EPS8: variants seen among roughly 807,000 people sequenced by gnomAD.
The protein encoded by EPS8 is EGFR pathway substrate 8, signaling adaptor.
EPS8 carries 42 observed loss-of-function variants against 103.8 expected under a neutral mutation model. The ratio of observed to expected loss-of-function variants is 0.40; its 90% CI spans 0.32 to 0.52. The LOEUF is 0.52. Among genes scored for constraint, EPS8 ranks in the 20% least tolerant of loss-of-function variants. The pLI, the probability that EPS8 is intolerant of heterozygous loss-of-function variation, is 0.40. For missense variants in EPS8, 969 were observed against 1,005.1 expected (o/e 0.96, Z 0.49); for synonymous variants, 344 against 344.6 (o/e 1.00, Z 0.02).
intron 1 of EPS8, 81 bp from the exon 2 acceptor site, chr12:15,683,053 T>C (rs1946037144): frequency 9.1e-6 from 6 of 660,328 alleles, no homozygotes; most frequent in Non-Finnish European, 1.5e-5. Flanking sequence ...ATTCAACAAA[T>C]ATGTGTTGCT....
chr12:15,718,200 G>A (rs975100091), intron 1 of EPS8, among the ~76,000 whole-genome samples: 2 of 152,088 alleles, frequency 1.3e-5, no homozygotes, highest in African/African-American at 4.8e-5. Flanking sequence ...AGACCAATTT[G>A]TACAGTCTCA....
At position 15,682,874 on chromosome 12, in the gene EPS8, T is replaced by C; in HGVS notation, c.59+19A>G. Reference sequence around the variant, plus strand: ...TCAAATTCCCCCAAAACATATTAAATATAAACTTTTCAACTTACTTCATCT... The same window carrying C: ...TCAAATTCCCCCAAAACATATTAAACATAAACTTTTCAACTTACTTCATCT... On this transcript the variant is annotated intron_variant, in intron 2 of 20. Coordinates refer to ENST00000281172, the MANE Select transcript of EPS8 (RefSeq NM_004447.6). The C allele has an allele frequency of 7.8e-7, 1 of 1,285,074 alleles. No individual in the cohort carries two copies. The highest frequency in any genetic ancestry group is 1.1e-6 in the Non-Finnish European group (1 of 897,046). The allele number at this position is 1,285,074 out of a possible 1,614,324, so 79.6% of individuals were successfully genotyped here.
chr12:15,669,808 G>T lies in EPS8; in HGVS notation c.222C>A (p.Val74=). 6.2e-7 allele frequency: 1 copy of T among 1,601,746 alleles called. No individual in the cohort carries two copies. Among genetic ancestry groups the T allele is most frequent in the Non-Finnish European group, 8.5e-7 (1 of 1,176,008 alleles). Residue 74 remains valine (V), a synonymous_variant, in exon 5 of 21, where the codon GTC becomes GTA. Transcript: ENST00000281172. ...TGATCATAGCATCTTTCCGATCCAG[G>T]ACAAAGGTAGTCAAGTGCTTACAAT... The part of the protein sequence containing the change: ...QYRVEHLTTF[V]LDRKDAMITV...
rs1411423041 is a variant in EPS8 at position 15,714,795 on chromosome 12, G to A, written c.-21-31823C>T. ...GTTTCTATAACTTTAAAAGTGAAAA[G>A]CATCACTATAAATAGAATTTTTAAA... On this transcript the variant is annotated intron_variant, in intron 1 of 20. Coordinates refer to ENST00000281172, the MANE Select transcript of EPS8 (RefSeq NM_004447.6). This position sits in a 1 kb window ranked among gnomAD's most constrained non-coding sequence, Gnocchi z 4.1. 6.6e-6 allele frequency among the ~76,000 whole-genome samples: 1 copy of A among 152,152 alleles called. No individual in the cohort carries two copies. Among genetic ancestry groups the A allele is most frequent in the African/African-American group, 2.4e-5 (1 of 41,438 alleles).
At chr12:15,625,298 T>G (rs1335006636) in intron 18 of EPS8, among the ~76,000 whole-genome samples, 4 of 152,192 alleles carry the variant, frequency 2.6e-5, no homozygotes, top group African/African-American at 9.7e-5. Flanking sequence ...ATTCAAATAC[T>G]GAGTCATTTC....
At chr12:15,641,966 C>T (rs1055391331) in intron 15 of EPS8, 136 bp from the exon 16 acceptor site, 3 of 423,268 alleles carry the variant, frequency 7.1e-6, no homozygotes, top group African/African-American at 6.2e-5. Context: ...TTATATTTTA[C>T]ATTATGATAA....
Position 15,786,654 on chromosome 12 carries a change from G to C in EPS8, c.-22+2507C>G, listed in dbSNP as rs571716530. Among the ~76,000 whole-genome samples, 13 of 152,196 alleles carry C rather than the reference G, an allele frequency of 8.5e-5. No homozygotes were observed. The South Asian group carries it at 2.7e-3, about 32-fold the overall frequency. On this transcript the variant is annotated intron_variant, in intron 1 of 20. Coordinates refer to ENST00000281172, the MANE Select transcript of EPS8 (RefSeq NM_004447.6). ...GCTTTCCTGTAAATCCAAAACTTCT[G>C]AGAAATAAGGTCTATTTTTTTAAAT...
chr12:15,749,094 T>C lies in EPS8; in HGVS notation c.-22+40067A>G, dbSNP rs1305009002. ...CTTTTGGAAGAGCTAAATGTAATAC[T>C]GTTGAACTATATTACCTTAATTTGT... On this transcript the variant is annotated intron_variant, in intron 1 of 20. Transcript: ENST00000281172. The surrounding 1 kb of genome is among the most constrained non-coding windows in gnomAD (Gnocchi z 4.0). Among the ~76,000 whole-genome samples, 9 of 152,184 alleles carry C rather than the reference T, an allele frequency of 5.9e-5. No individual in the cohort carries two copies. The highest frequency in any genetic ancestry group is 5.9e-4 in the Admixed American group (9 of 15,278).
intron 4 of EPS8, among the ~76,000 whole-genome samples, chr12:15,670,372 C>A (rs1235618821): frequency 7.2e-5 from 11 of 152,048 alleles, no homozygotes; most frequent in Non-Finnish European, 4.4e-5. Flanking sequence ...AAAATAAGAG[C>A]AATTTAAAAA....
chr12:15,627,038 T>C (rs1457896981), intron 18 of EPS8, among the ~76,000 whole-genome samples: 1 of 152,156 alleles, frequency 6.6e-6, no homozygotes, highest in Non-Finnish European at 1.5e-5. Context: ...TCTCACTCTG[T>C]TGCCATACTG....
intron 19 of EPS8, 138 bp from the exon 20 acceptor site, chr12:15,623,425 A>G: frequency 1.5e-6 from 1 of 663,364 alleles, no homozygotes; most frequent in South Asian, 2.2e-5. Flanking sequence ...ATGCCACTAC[A>G]GTCTTTATAG....
rs1946539888 is a variant in EPS8 at position 15,717,025 on chromosome 12, T to C, written c.-21-34053A>G. On this transcript the variant is annotated intron_variant, in intron 1 of 20. Coordinates refer to ENST00000281172, the MANE Select transcript of EPS8 (RefSeq NM_004447.6). The surrounding 1 kb of genome is among the most constrained non-coding windows in gnomAD (Gnocchi z 4.3). Reference sequence around the variant, plus strand: ...CTAAAGAAATACTCTAAACTACATATTATCAAATTTCAATTACATACATGC... The same window carrying C: ...CTAAAGAAATACTCTAAACTACATACTATCAAATTTCAATTACATACATGC... Among the ~76,000 whole-genome samples the C allele has an allele frequency of 2.0e-5, 3 of 152,308 alleles. No homozygotes were observed. The highest frequency in any genetic ancestry group is 4.1e-4 in the South Asian group (2 of 4,824).
rs1160896999 is a variant in EPS8 at position 15,781,290 on chromosome 12, T to C, written c.-22+7871A>G. 6.6e-6 allele frequency among the ~76,000 whole-genome samples: 1 copy of C among 152,190 alleles called. No homozygotes were observed. Among genetic ancestry groups the C allele is most frequent in the African/African-American group, 2.4e-5 (1 of 41,444 alleles). On this transcript the variant is annotated intron_variant, in intron 1 of 20. Transcript: ENST00000281172. The surrounding 1 kb of genome is among the most constrained non-coding windows in gnomAD (Gnocchi z 4.1). ...GGCACAGTAGTAATTTGAGCAAGTA[T>C]ATAGCACAGTATTAAATAAAAGAAT...
At chr12:15,672,501 G>A in intron 3 of EPS8, 1 of 398,218 alleles carries the variant, frequency 2.5e-6, no homozygotes, top group Non-Finnish European at 4.4e-6. Flanking sequence ...TGATCCATCT[G>A]GTCCTACCAA....
Position 15,623,228 on chromosome 12 carries a change from T to A in EPS8, c.2285A>T (p.Glu762Val), listed in dbSNP as rs753634367. The part of the protein sequence containing the change: ...GAQLFSLNKD[E>V]LRTVCPEGAR... ...CCCTTCAGGGCAGACTGTCCTCAGT[T>A]CATCCTTATTGAGAGAGAAAAGTTG... is the stretch of plus-strand genomic sequence containing the variant. Residue 762 changes from glutamate (E) to valine (V), a missense_variant, in exon 20 of 21, where the codon GAA (glutamate) becomes GTA (valine). Physicochemically the swap from Glu to Val is moderately radical, Grantham distance 121. Transcript: ENST00000281172. 16 of 1,613,354 alleles carry A rather than the reference T, an allele frequency of 9.9e-6. No individual in the cohort carries two copies. Among genetic ancestry groups the A allele is most frequent in the Non-Finnish European group, 1.2e-5 (14 of 1,179,608 alleles).
rs1003670680 is a variant in EPS8 at position 15,759,656 on chromosome 12, CAA to C, written c.-22+29503_-22+29504del. 1.3e-5 allele frequency among the ~76,000 whole-genome samples: 2 copies of C among 151,872 alleles called. No individual in the cohort carries two copies. Among genetic ancestry groups the C allele is most frequent in the African/African-American group, 2.4e-5 (1 of 41,394 alleles). ...AAGGAATAAAACTAGAAATCAATAA[CAA>C]GAGAAATTTTGGAAAATATACTAGT... On this transcript the variant is annotated intron_variant, in intron 1 of 20. Transcript: ENST00000281172. The surrounding 1 kb of genome is among the most constrained non-coding windows in gnomAD (Gnocchi z 4.9).
chr12:15,658,438 C>G, intron 11 of EPS8, 59 bp downstream of exon 11: 1 of 1,133,136 alleles, frequency 8.8e-7, no homozygotes, highest in Non-Finnish European at 1.3e-6. Context: ...AACATCCTGA[C>G]TAGATTTTCA....
chr12:15,711,937 C>G (rs1317982937), intron 1 of EPS8, among the ~76,000 whole-genome samples: 1 of 152,142 alleles, frequency 6.6e-6, no homozygotes, highest in Non-Finnish European at 1.5e-5. Flanking sequence ...TTTATTTTTG[C>G]TCTCTATCTA....
chr12:15,670,062 G>A (rs1031285609), intron 4 of EPS8, among the ~76,000 whole-genome samples: 3 of 152,016 alleles, frequency 2.0e-5, no homozygotes, highest in African/African-American at 4.8e-5. Flanking sequence ...TGTTTCATAC[G>A]GAGCCATGTT....
Sources: gnomAD v4.1 joint callset for allele counts (sites outside exome capture counted in the v4.1 genomes callset) on GRCh38, gnomAD v4.1.1 for gene constraint, Gnocchi (gnomAD v3.1) non-coding constraint, MANE v1.5 for transcripts, NCBI Gene and HGNC (gene_info 2026-07-23, HGNC 2026-07-21) for gene names.